The following SPTB variants were observed in gnomAD, a reference collection of about 807,000 sequenced individuals.
SPTB encodes the protein spectrin beta, erythrocytic, also known as spectrin beta chain, erythrocytic.
Under a neutral mutation model 256.2 loss-of-function variants are expected in SPTB, and 45 were observed. That is an observed-to-expected ratio of 0.18 (90% confidence interval 0.14 to 0.23). SPTB has a LOEUF of 0.23. Among genes scored for constraint, SPTB ranks in the 10% least tolerant of loss-of-function variants. The probability of loss-of-function intolerance (pLI) is 1.00; values close to 1 mark genes in which losing one functional copy is unlikely to be tolerated. For missense variants in SPTB, 2,715 were observed against 3,040.4 expected, an observed-to-expected ratio of 0.89 and a Z score of 2.52; for synonymous variants, 1,231 against 1,243.1, an observed-to-expected ratio of 0.99 and a Z score of 0.21.
chr14:64,770,798 C>A (rs189706347), intron 27 of SPTB, 87 bp downstream of exon 27: 7 of 1,593,528 alleles, frequency 4.4e-6, no homozygotes, highest in East Asian at 2.2e-5. Flanking sequence ...TGTCCCTTCA[C>A]GGAGGAGCCA....
rs770136782 is a variant in SPTB at position 64,825,407 on chromosome 14, G to A, written c.-51-2262C>T. On this transcript the variant is annotated intron_variant, in intron 1 of 35. Transcript: ENST00000644917. The surrounding 1 kb of genome is among the most constrained non-coding windows in gnomAD (Gnocchi z 4.8). ...TTGCTGCTTCCAGGACTGAGATTTC[G>A]CACCCAACTGGCTGGGCAACGATAG... Among the ~76,000 whole-genome samples the A allele has an allele frequency of 2.6e-5, 4 of 152,080 alleles. No homozygotes were observed. Among genetic ancestry groups the A allele is most frequent in the Admixed American group, 2.0e-4 (3 of 15,270 alleles).
chr14:64,834,852 T>C (rs147335614), intron 1 of SPTB, among the ~76,000 whole-genome samples: 1 of 152,354 alleles, frequency 6.6e-6, no homozygotes, highest in Admixed American at 6.5e-5. Flanking sequence ...AGGGAAGCCC[T>C]ACCTTACTTA....
chr14:64,766,861 C>T (rs902700426), intron 31 of SPTB, 60 bp from the exon 32 acceptor site: 15 of 1,586,338 alleles, frequency 9.5e-6, no homozygotes, highest in African/African-American at 4.0e-5. Flanking sequence ...GTGCCTCCTG[C>T]GAGGCCTGGC....
chr14:64,800,680 G>A, intron 8 of SPTB, 76 bp downstream of exon 8: 1 of 1,325,156 alleles, frequency 7.5e-7, no homozygotes, highest in East Asian at 2.3e-5. Context: ...CCTTTCTTTG[G>A]TTGGAAAGAG....
intron 1 of SPTB, among the ~76,000 whole-genome samples, chr14:64,832,710 A>G (rs1213523642): frequency 6.6e-6 from 1 of 152,086 alleles, no homozygotes; most frequent in Non-Finnish European, 1.5e-5. Flanking sequence ...CTATCTGTCA[A>G]CATCCCAGCG....
At chr14:64,833,969 A>C (rs1165839522) in intron 1 of SPTB, among the ~76,000 whole-genome samples, 1 of 152,144 alleles carries the variant, frequency 6.6e-6, no homozygotes, top group Non-Finnish European at 1.5e-5. Flanking sequence ...TGAATTCATC[A>C]TCAATGCCCT....
intron 32 of SPTB, 111 bp from the exon 33 acceptor site, chr14:64,753,904 A>G (rs2081986962): frequency 6.9e-7 from 1 of 1,443,200 alleles, no homozygotes; most frequent in African/African-American, 1.4e-5. Context: ...CCCCAAGCCT[A>G]CTTCCTTTCT....
chr14:64,775,245 G>A lies in SPTB; in HGVS notation c.4722C>T (p.Ala1574=), dbSNP rs757295073. 33 of 1,613,534 alleles carry A rather than the reference G, an allele frequency of 2.0e-5. No homozygotes were observed. Among genetic ancestry groups the A allele is most frequent in the African/African-American group, 5.3e-5 (4 of 74,922 alleles). ...CGTCCCTCAGTCGCTGCAGCCTCCC[G>A]GCCGCTGCCTCCCGCAGCCTGTCCC... ...SSWDRLREAA[A]GRLQRLRDAN... The change falls in exon 23 of 36, where the codon GCC becomes GCT. Residue 1574 remains alanine (A), a synonymous_variant. Coordinates refer to ENST00000644917, the MANE Select transcript of SPTB (RefSeq NM_001355436.2). This position sits in a 1 kb window ranked among gnomAD's most constrained non-coding sequence, Gnocchi z 5.0.
chr14:64,877,475 G>T (rs964181821), intron 1 of SPTB, among the ~76,000 whole-genome samples: 1 of 152,146 alleles, frequency 6.6e-6, no homozygotes, highest in Non-Finnish European at 1.5e-5. Context: ...CTCATTAGCT[G>T]GGTAATATGA....
Position 64,775,524 on chromosome 14 carries a change from C to A in SPTB, c.4564-121G>T. 1 of 1,306,522 alleles carries A rather than the reference C, an allele frequency of 7.7e-7. No individual in the cohort carries two copies. 80.9% of individuals were successfully genotyped at this position (1,306,522 alleles called of 1,614,324 possible). On this transcript the variant is annotated intron_variant, in intron 22 of 35. Transcript: ENST00000644917. This position sits in a 1 kb window ranked among gnomAD's most constrained non-coding sequence, Gnocchi z 5.0. ...TCTCACCCCCGTTGCTAGAGCAGAG[C>A]AGGTGATGGCGATAAGAACTACCAA...
At chr14:64,843,563 C>A (rs1222748584) in intron 1 of SPTB, among the ~76,000 whole-genome samples, 1 of 152,190 alleles carries the variant, frequency 6.6e-6, no homozygotes, top group Non-Finnish European at 1.5e-5. Context: ...TTGTTTCCAT[C>A]ACAACCCTTA....
chr14:64,867,620 G>A (rs1174213366), intron 1 of SPTB, among the ~76,000 whole-genome samples: 6 of 152,216 alleles, frequency 3.9e-5, no homozygotes, highest in African/African-American at 1.4e-4. Context: ...TTGGGAGACC[G>A]AGGCGGGCAC....
rs371770408 is a variant in SPTB, at chr14:64,775,116, C to G, written c.4842+9G>C. On this transcript the variant is annotated intron_variant, in intron 23 of 35. Transcript: ENST00000644917. The surrounding 1 kb of genome is among the most constrained non-coding windows in gnomAD (Gnocchi z 5.0). ...GGCACCCTGGCTGGTATCCCCTGCCCGAACAGACCTTGGGGATCTCATCGG... is the reference window on the plus strand; with the variant it reads ...GGCACCCTGGCTGGTATCCCCTGCCGGAACAGACCTTGGGGATCTCATCGG... 6.8e-6 allele frequency: 11 copies of G among 1,613,736 alleles called. No homozygotes were observed. The highest frequency in any genetic ancestry group is 8.5e-7 in the Non-Finnish European group (1 of 1,180,040).
intron 19 of SPTB, 32 bp downstream of exon 19, chr14:64,784,215 G>C: frequency 6.2e-7 from 1 of 1,613,684 alleles, no homozygotes; most frequent in Non-Finnish European, 8.5e-7. Flanking sequence ...TCTGAGCAGA[G>C]CACCCACCCG....
chr14:64,784,510 G>T (rs1854235923), intron 18 of SPTB, 117 bp from the exon 19 acceptor site: 1 of 1,351,280 alleles, frequency 7.4e-7, no homozygotes, highest in African/African-American at 1.4e-5. Flanking sequence ...TGCAAGCACA[G>T]AAGAGAACCC....
chr14:64,849,564 C>A (rs563008907), intron 1 of SPTB, among the ~76,000 whole-genome samples: 1 of 152,328 alleles, frequency 6.6e-6, no homozygotes, highest in East Asian at 1.9e-4. Context: ...TGCATCTCCT[C>A]TTTTAGAGCA....
At chr14:64,761,179 C>T (rs1054138440) in intron 32 of SPTB, among the ~76,000 whole-genome samples, 3 of 152,164 alleles carry the variant, frequency 2.0e-5, no homozygotes, top group East Asian at 1.9e-4. Context: ...TGCCCTCGCC[C>T]GGTGTCTGAT....
Position 64,775,488 on chromosome 14 carries a change from C to T in SPTB, c.4564-85G>A. On this transcript the variant is annotated intron_variant, in intron 22 of 35. Coordinates refer to ENST00000644917, the MANE Select transcript of SPTB (RefSeq NM_001355436.2). This position sits in a 1 kb window ranked among gnomAD's most constrained non-coding sequence, Gnocchi z 5.0. Reference sequence around the variant, plus strand: ...CAGCAGTGGCAGCACAGCTCTGACACCCTTGGTCCCTCTCACCCCCGTTGC... The same window carrying T: ...CAGCAGTGGCAGCACAGCTCTGACATCCTTGGTCCCTCTCACCCCCGTTGC... 6.6e-7 allele frequency: 1 copy of T among 1,512,348 alleles called. No homozygotes were observed. Among genetic ancestry groups the T allele is most frequent in the Non-Finnish European group, 8.9e-7 (1 of 1,121,526 alleles). 93.7% of individuals were successfully genotyped at this position (1,512,348 alleles called of 1,614,324 possible).
Position 64,823,055 on chromosome 14 carries a change from G to T in SPTB, c.40C>A (p.Pro14Thr). 2 of 1,614,172 alleles carry T rather than the reference G, an allele frequency of 1.2e-6. No individual in the cohort carries two copies. The highest frequency in any genetic ancestry group is 2.2e-5 in the East Asian group (1 of 44,876). Residue 14 changes from proline to threonine, a missense_variant, in exon 2 of 36, where the codon CCA becomes ACA. Around this residue, in one of 4 missense-constraint regions of SPTB, gnomAD observed 58 missense variants for 67.9 expected, o/e 0.85. Transcript: ENST00000644917. This position sits in a 1 kb window ranked among gnomAD's most constrained non-coding sequence, Gnocchi z 6.5. ...ATEFENVGNQPPYSRINARWD... is the reference protein window; with the variant it reads ...ATEFENVGNQTPYSRINARWD... ...CGGGCATTGATCCTGCTGTAAGGTG[G>T]CTGGTTGCCCACATTTTCAAACTCT...
Sources: allele counts gnomAD v4.1 joint callset (sites outside exome capture counted in the v4.1 genomes callset), GRCh38; gene constraint gnomAD v4.1.1; regional missense constraint gnomAD v4.1.1; non-coding constraint Gnocchi (gnomAD v3.1); transcripts MANE v1.5; gene names NCBI Gene and HGNC (gene_info 2026-07-23, HGNC 2026-07-21).